MARCHF3: variants seen among roughly 807,000 people sequenced by gnomAD.
MARCHF3 encodes E3 ubiquitin-protein ligase MARCHF3.
Under a neutral mutation model 24.2 loss-of-function variants are expected in MARCHF3, and 13 were observed. The ratio of observed to expected loss-of-function variants is 0.54; its 90% CI spans 0.35 to 0.85. MARCHF3 has a LOEUF of 0.85. Ranked by LOEUF, MARCHF3 falls within the 40% of genes least tolerant of loss-of-function variation. The pLI, the probability that MARCHF3 is intolerant of heterozygous loss-of-function variation, is 0.01. For synonymous variants in MARCHF3, 144 were observed against 137.3 expected (o/e 1.05, Z -0.34); for missense variants, 276 against 325.0 (o/e 0.85, Z 1.16).
At chr5:126,994,420 T>C (rs1751877860) in intron 1 of MARCHF3, among the ~76,000 whole-genome samples, 1 of 152,182 alleles carries the variant, frequency 6.6e-6, no homozygotes, top group South Asian at 2.1e-4. Flanking sequence ...CTGTTCTATA[T>C]CTTGATTGTG....
intron 1 of MARCHF3, among the ~76,000 whole-genome samples, chr5:126,995,295 T>C (rs73786279): frequency 0.052 from 7,848 of 152,280 alleles, 377 homozygotes; most frequent in South Asian, 0.14. Flanking sequence ...AATGTACCAG[T>C]GTGCAACTGG....
At chr5:127,000,898 C>T (rs945252171) in intron 1 of MARCHF3, among the ~76,000 whole-genome samples, 25 of 151,988 alleles carry the variant, frequency 1.6e-4, no homozygotes, top group Non-Finnish European at 3.5e-4. Flanking sequence ...GATCTCCTGA[C>T]CTCGTGATCC....
chr5:126,911,584 T>C (rs548020596), intron 3 of MARCHF3, among the ~76,000 whole-genome samples: 1 of 152,354 alleles, frequency 6.6e-6, no homozygotes, highest in Admixed American at 6.5e-5. Flanking sequence ...CAGAAATTCA[T>C]TCACATCTGA....
chr5:126,933,566 T>C (rs941950302), intron 1 of MARCHF3, among the ~76,000 whole-genome samples: 5 of 151,618 alleles, frequency 3.3e-5, no homozygotes, highest in African/African-American at 1.2e-4. Context: ...TGCATAAGCC[T>C]CCCGAGTAGC....
chr5:126,915,423 A>C (rs1754692984), intron 2 of MARCHF3, among the ~76,000 whole-genome samples: 1 of 152,258 alleles, frequency 6.6e-6, no homozygotes, highest in African/African-American at 2.4e-5. Flanking sequence ...TTTGCCTTGA[A>C]TATAAATGTA....
chr5:126,964,255 C>T (rs1264370168), intron 1 of MARCHF3, among the ~76,000 whole-genome samples: 1 of 152,150 alleles, frequency 6.6e-6, no homozygotes, highest in Non-Finnish European at 1.5e-5. Flanking sequence ...CAAAATTTGC[C>T]TCAATAGGAT....
intron 1 of MARCHF3, among the ~76,000 whole-genome samples, chr5:126,968,012 C>A (rs1455961818): frequency 1.3e-5 from 2 of 152,170 alleles, no homozygotes; most frequent in Non-Finnish European, 2.9e-5. Context: ...CACTAATCAA[C>A]TTTGTCTCTC....
intron 1 of MARCHF3, among the ~76,000 whole-genome samples, chr5:126,946,609 A>C (rs995398337): frequency 1.3e-5 from 2 of 152,126 alleles, no homozygotes; most frequent in Non-Finnish European, 2.9e-5. Context: ...GGAATGTCTC[A>C]GGCAGTTAGT....
intron 1 of MARCHF3, among the ~76,000 whole-genome samples, chr5:126,944,335 C>T (rs577805082): frequency 5.9e-5 from 9 of 152,216 alleles, no homozygotes; most frequent in East Asian, 3.9e-4. Flanking sequence ...CGGTGGCTCA[C>T]GCCTGTAATT....
rs969137786 is a variant in MARCHF3 at position 127,030,344 on chromosome 5, A to G, written c.-57+6T>C. ...GGAGCCGCTAGCCCGGCGCGCGGCC[A>G]CTCACCGTCCTCGCCGAGTCCCGAT... On this transcript the variant is annotated splice_donor_region_variant and intron_variant, in intron 1 of 4. Coordinates refer to ENST00000308660, the MANE Select transcript of MARCHF3 (RefSeq NM_178450.5). 9 of 151,998 alleles carry G rather than the reference A, an allele frequency of 5.9e-5. No individual in the cohort carries two copies. Among genetic ancestry groups the G allele is most frequent in the Non-Finnish European group, 1.3e-4 (9 of 67,942 alleles). The allele number at this position is 151,998 out of a possible 1,614,324, so 9.4% of individuals were successfully genotyped here. A position where few individuals can be genotyped will look rare whatever the true frequency, so the allele number is the denominator to read the frequency against.
At chr5:126,921,551 A>G (rs915305933) in intron 1 of MARCHF3, among the ~76,000 whole-genome samples, 1 of 152,206 alleles carries the variant, frequency 6.6e-6, no homozygotes, top group Non-Finnish European at 1.5e-5. Context: ...GTTGCCGAGG[A>G]TGCTAGAAAG....
intron 1 of MARCHF3, among the ~76,000 whole-genome samples, chr5:127,013,567 C>T (rs370590272): frequency 1.6e-4 from 24 of 152,238 alleles, no homozygotes; most frequent in African/African-American, 5.5e-4. Flanking sequence ...GGAAAGGGAT[C>T]CCTGCCAGGA....
chr5:126,895,308 C>T (rs1415132887), intron 3 of MARCHF3, among the ~76,000 whole-genome samples: 1 of 152,160 alleles, frequency 6.6e-6, no homozygotes, highest in Non-Finnish European at 1.5e-5. Context: ...CTTCTCTCAG[C>T]TCCTCAAAGT....
rs545091457 is a variant in MARCHF3 at position 126,936,219 on chromosome 5, T to A, written c.-56-17992A>T. ...TGCTTTTCCTTTTAGAAACTGATTT[T>A]TAGGACATAATGTTTGAGCCTTTTT... On this transcript the variant is annotated intron_variant, in intron 1 of 4. Coordinates refer to ENST00000308660, the MANE Select transcript of MARCHF3 (RefSeq NM_178450.5). Among the ~76,000 whole-genome samples, 14 of 152,298 alleles carry A rather than the reference T, an allele frequency of 9.2e-5. No individual in the cohort carries two copies. In the South Asian group the frequency reaches 2.7e-3, roughly 29 times the overall value.
At chr5:126,878,417 G>A (rs1465530058) in intron 3 of MARCHF3, 23 bp from the exon 4 acceptor site, 3 of 1,596,304 alleles carry the variant, frequency 1.9e-6, no homozygotes, top group Non-Finnish European at 2.6e-6. Context: ...GGGAGACAGA[G>A]AAGAGCAAGG....
intron 1 of MARCHF3, among the ~76,000 whole-genome samples, chr5:126,955,464 G>C (rs145264707): frequency 6.6e-6 from 1 of 152,118 alleles, no homozygotes; most frequent in Admixed American, 6.6e-5. Flanking sequence ...TCGTTCATCC[G>C]GCCCAATATT....
intron 1 of MARCHF3, among the ~76,000 whole-genome samples, chr5:126,922,512 TTTTATTTATTTATTTATTTA>T (rs58540964): frequency 1.7e-4 from 24 of 142,876 alleles, no homozygotes; most frequent in South Asian, 9.3e-4. Flanking sequence ...CATTTCTGTC[TTTTATTTATTTATTTATTTA>T]TTTATTTATT....
At position 126,922,551 on chromosome 5, in the gene MARCHF3, T is replaced by TATTTATTA. The variant is rs1261697499; in HGVS notation, c.-56-4325_-56-4324insTAATAAAT. ...TTATTTATTTATTTATTTATTTATTTATTATTTATTTTTGAGTCGGAGTCT... is the reference window on the plus strand; with the variant it reads ...TTATTTATTTATTTATTTATTTATTTATTTATTAATTATTTATTTTTGAGTCGGAGTCT... On this transcript the variant is annotated intron_variant, in intron 1 of 4. Coordinates refer to ENST00000308660, the MANE Select transcript of MARCHF3 (RefSeq NM_178450.5). 3.3e-4 allele frequency among the ~76,000 whole-genome samples: 45 copies of TATTTATTA among 136,850 alleles called. No homozygotes were observed. In the South Asian group the frequency reaches 6.1e-3, roughly 19 times the overall value. 89.8% of individuals were successfully genotyped at this position (136,850 alleles called of 152,430 possible).
chr5:126,889,189 T>TGA (rs1753594802), intron 3 of MARCHF3, among the ~76,000 whole-genome samples: 1 of 152,152 alleles, frequency 6.6e-6, no homozygotes, highest in Non-Finnish European at 1.5e-5. Flanking sequence ...GGACTGCTGT[T>TGA]GGAGTCTGGG....
Sources: allele counts gnomAD v4.1 joint callset (sites outside exome capture counted in the v4.1 genomes callset), GRCh38; gene constraint gnomAD v4.1.1; transcripts MANE v1.5; gene names NCBI Gene and HGNC (gene_info 2026-07-23, HGNC 2026-07-21).